The following SNX29 variants were observed in gnomAD, a reference collection of about 807,000 sequenced individuals.
SNX29 encodes the protein sorting nexin 29, also known as sorting nexin-29.
SNX29 carries 78 observed loss-of-function variants against 102.1 expected under a neutral mutation model. That is an observed-to-expected ratio of 0.76 (90% CI 0.64 to 0.92). SNX29 has a LOEUF of 0.92. SNX29 is among the 40% of genes least tolerant of loss of function. SNX29 has a pLI of 0.00. For missense variants in SNX29, 1,280 were observed against 1,061.7 expected, an observed-to-expected ratio of 1.21 and a Z score of -2.86; for synonymous variants, 580 against 414.5, an observed-to-expected ratio of 1.40 and a Z score of -4.85.
At chr16:12,426,329 T>C (rs2085078347) in intron 18 of SNX29, among the ~76,000 whole-genome samples, 1 of 152,180 alleles carries the variant, frequency 6.6e-6, no homozygotes, top group African/African-American at 2.4e-5. Flanking sequence ...CTTGCAGCTC[T>C]CCTGGCAGGG....
chr16:12,399,594 C>T (rs918448364), intron 17 of SNX29, among the ~76,000 whole-genome samples: 1 of 152,208 alleles, frequency 6.6e-6, no homozygotes, highest in Non-Finnish European at 1.5e-5. Context: ...CATTTGACCT[C>T]ACTGGGCCTC....
chr16:12,423,718 G>A (rs756585641), intron 18 of SNX29, among the ~76,000 whole-genome samples: 26 of 152,084 alleles, frequency 1.7e-4, no homozygotes, highest in Admixed American at 5.2e-4. Flanking sequence ...TTACAGGCGC[G>A]CACCACCAAG....
chr16:12,027,501 T>C, intron 4 of SNX29, 57 bp downstream of exon 4: 4 of 1,594,446 alleles, frequency 2.5e-6, no homozygotes, highest in Non-Finnish European at 2.6e-6. Context: ...GCTCTTTTTC[T>C]TTTTATTTAT....
chr16:12,218,421 A>T (rs997090550), intron 14 of SNX29, among the ~76,000 whole-genome samples: 1 of 152,200 alleles, frequency 6.6e-6, no homozygotes, highest in Admixed American at 6.5e-5. Context: ...TGGGCATGCC[A>T]CCTTTTTAAA....
chr16:12,106,127 A>T (rs925471254), intron 11 of SNX29, among the ~76,000 whole-genome samples: 4 of 151,962 alleles, frequency 2.6e-5, no homozygotes, highest in Admixed American at 6.6e-5. Context: ...CTCACCGGGG[A>T]CTCTAGAAAC....
At chr16:12,485,021 C>A (rs573554376) in intron 19 of SNX29, among the ~76,000 whole-genome samples, 126 of 152,342 alleles carry the variant, frequency 8.3e-4, no homozygotes, top group African/African-American at 3.0e-3. Context: ...AACAGAAATT[C>A]AGTGGAAGAG....
chr16:12,299,306 A>G (rs752144804), intron 15 of SNX29, among the ~76,000 whole-genome samples: 1 of 152,238 alleles, frequency 6.6e-6, no homozygotes, highest in Non-Finnish European at 1.5e-5. Flanking sequence ...TCTCAAAAAA[A>G]AAAAATTACA....
intron 20 of SNX29, among the ~76,000 whole-genome samples, chr16:12,552,987 T>G (rs1054709676): frequency 1.3e-5 from 2 of 152,192 alleles, no homozygotes; most frequent in East Asian, 1.9e-4. Flanking sequence ...AGGCACTGTC[T>G]GAGGGGCTGA....
chr16:12,524,657 G>C (rs2090228885), intron 19 of SNX29, 45 bp from the exon 20 acceptor site: 2 of 1,600,046 alleles, frequency 1.2e-6, no homozygotes, highest in East Asian at 2.2e-5. Flanking sequence ...TTTCTGACCA[G>C]GTGAGGAAGA....
intron 18 of SNX29, among the ~76,000 whole-genome samples, chr16:12,435,195 C>T (rs766686716): frequency 2.0e-5 from 3 of 152,304 alleles, no homozygotes; most frequent in East Asian, 3.9e-4. Flanking sequence ...TGTCTCCTCC[C>T]GTTTCCCTCT....
At chr16:11,978,346 G>A (rs12930612) in intron 1 of SNX29, among the ~76,000 whole-genome samples, 51,699 of 152,140 alleles carry the variant, frequency 0.34, 9,264 homozygotes, top group East Asian at 0.64. Flanking sequence ...AGACATCCTG[G>A]GTTCAAATCT....
intron 20 of SNX29, among the ~76,000 whole-genome samples, chr16:12,551,810 T>C (rs995111457): frequency 5.3e-5 from 8 of 152,122 alleles, no homozygotes; most frequent in Non-Finnish European, 1.0e-4. Context: ...AACTTCTGTA[T>C]CCCCGCCTCA....
chr16:12,078,878 GT>G lies in SNX29; in HGVS notation c.1367del (p.Leu456TyrfsTer10). On this transcript the variant is annotated frameshift_variant, in exon 11 of 21. Transcript: ENST00000566228. LOFTEE classifies it high-confidence loss of function. Reference protein sequence around the residue: ...PGHGSPLSSLLPSASVPESMT... With the variant: ...PGHGSPLSSLXPSASVPESMT... ...GCCACGGAAGTCCTCTGAGCAGCCT[GT>G]TACCTTCTGCCTCAGTGCCAGAGTC... 6.2e-7 allele frequency: 1 copy of G among 1,606,846 alleles called. No individual in the cohort carries two copies. Among genetic ancestry groups the G allele is most frequent in the East Asian group, 2.2e-5 (1 of 44,698 alleles).
intron 13 of SNX29, among the ~76,000 whole-genome samples, chr16:12,180,837 G>A (rs1422658772): frequency 1.3e-5 from 2 of 152,146 alleles, no homozygotes; most frequent in Non-Finnish European, 2.9e-5. Flanking sequence ...AGAGAGGCGT[G>A]GTAGAGGGAG....
At chr16:12,317,458 C>T (rs1288147807) in intron 15 of SNX29, among the ~76,000 whole-genome samples, 4 of 152,164 alleles carry the variant, frequency 2.6e-5, no homozygotes, top group Non-Finnish European at 5.9e-5. Flanking sequence ...CAGCTGGGCC[C>T]CACATCCTAG....
intron 18 of SNX29, among the ~76,000 whole-genome samples, chr16:12,456,458 G>T (rs1227582840): frequency 6.6e-6 from 1 of 152,128 alleles, no homozygotes; most frequent in Non-Finnish European, 1.5e-5. Context: ...GATGGTAGAG[G>T]ATAGTTTTGG....
At chr16:12,375,033 A>G (rs2082821764) in intron 16 of SNX29, 1 of 152,186 alleles carries the variant, frequency 6.6e-6, no homozygotes, top group African/African-American at 2.4e-5. Flanking sequence ...CCTGGGCAAC[A>G]TAGTGAGACC....
chr16:12,385,092 C>A (rs759719259), intron 16 of SNX29, among the ~76,000 whole-genome samples: 21 of 152,192 alleles, frequency 1.4e-4, no homozygotes, highest in African/African-American at 5.1e-4. Context: ...ATCGCTTGAA[C>A]CCGGGAGGCA....
chr16:12,197,294 G>A (rs893323073), intron 13 of SNX29, among the ~76,000 whole-genome samples: 1 of 152,150 alleles, frequency 6.6e-6, no homozygotes, highest in African/African-American at 2.4e-5. Flanking sequence ...TACAGGCTGG[G>A]CGTGGTGGCT....
Sources: gnomAD v4.1 joint callset for allele counts (sites outside exome capture counted in the v4.1 genomes callset) on GRCh38, gnomAD v4.1.1 for gene constraint, MANE v1.5 for transcripts, NCBI Gene and HGNC (gene_info 2026-07-23, HGNC 2026-07-21) for gene names.